The following TACR1 variants were observed in gnomAD, a reference collection of about 807,000 sequenced individuals.
The protein encoded by TACR1 is tachykinin receptor 1.
A neutral mutation model predicts 35.8 loss-of-function variants in TACR1; 25 were observed. The observed-to-expected ratio is 0.70, with a 90% CI of 0.51 to 0.98. The LOEUF is 0.98. TACR1 is among the 50% of genes least tolerant of loss of function. TACR1 has a pLI of 0.00. For missense variants in TACR1, 478 were observed against 522.9 expected (o/e 0.91, Z 0.84); for synonymous variants, 195 against 206.7 (o/e 0.94, Z 0.48).
At chr2:75,052,379 A>G (rs887536085) in intron 3 of TACR1, among the ~76,000 whole-genome samples, 14 of 152,162 alleles carry the variant, frequency 9.2e-5, no homozygotes, top group Admixed American at 8.5e-4. Flanking sequence ...GTGAGAAATC[A>G]ATTTCTATTT....
At chr2:75,123,640 GTA>G (rs1558561023) in intron 1 of TACR1, among the ~76,000 whole-genome samples, 1 of 152,140 alleles carries the variant, frequency 6.6e-6, no homozygotes, top group African/African-American at 2.4e-5. Context: ...TTTAAAAAAT[GTA>G]TATATGTTCA....
intron 2 of TACR1, among the ~76,000 whole-genome samples, chr2:75,073,069 T>C (rs1244112826): frequency 2.6e-5 from 4 of 152,170 alleles, no homozygotes; most frequent in Non-Finnish European, 5.9e-5. Context: ...TTTTTAAATA[T>C]AGAAACCTCT....
At chr2:75,070,169 C>T (rs1456762841) in intron 2 of TACR1, among the ~76,000 whole-genome samples, 2 of 151,738 alleles carry the variant, frequency 1.3e-5, no homozygotes, top group African/African-American at 2.4e-5. Context: ...ATTGCTTCAA[C>T]TTTGGACATT....
rs568778656 is a variant in TACR1, at chr2:75,176,250, T to A, written c.389+22296A>T. The stretch of plus-strand genomic sequence containing the variant: ...CAGTTAGGACATTATATTGATTTTT[T>A]TCCTTGAAATTGCATATATAGGTAG... On this transcript the variant is annotated intron_variant, in intron 1 of 4. Coordinates refer to ENST00000305249, the MANE Select transcript of TACR1 (RefSeq NM_001058.4). Among the ~76,000 whole-genome samples, 493 of 152,196 alleles carry A rather than the reference T, an allele frequency of 3.2e-3. 3 individuals are homozygous for A. Among genetic ancestry groups the A allele is most frequent in the African/African-American group, 0.011 (476 of 41,558 alleles).
rs36067244 is a variant in TACR1, at chr2:75,147,746, C to CTTT, written c.390-26981_390-26979dup. ...CCCTGCAAAGGACATGATCTCATTCCTTTTTTTTTTTTTCTGATACAGAGT... is the reference window on the plus strand; with the variant it reads ...CCCTGCAAAGGACATGATCTCATTCCTTTTTTTTTTTTTTTTCTGATACAGAGT... On this transcript the variant is annotated intron_variant, in intron 1 of 4. Coordinates refer to ENST00000305249, the MANE Select transcript of TACR1 (RefSeq NM_001058.4). Among the ~76,000 whole-genome samples the CTTT allele has an allele frequency of 1.4e-3, 210 of 145,038 alleles. 1 individual carries two copies. The highest frequency in any genetic ancestry group is 2.7e-3 in the African/African-American group (105 of 39,322).
intron 2 of TACR1, among the ~76,000 whole-genome samples, chr2:75,073,079 T>C (rs1022814954): frequency 6.6e-5 from 10 of 152,138 alleles, no homozygotes; most frequent in Non-Finnish European, 1.2e-4. Context: ...TAGAAACCTC[T>C]CTATATAAGA....
At chr2:75,059,378 T>G (rs1463624860) in intron 2 of TACR1, among the ~76,000 whole-genome samples, 1 of 152,220 alleles carries the variant, frequency 6.6e-6, no homozygotes, top group East Asian at 1.9e-4. Context: ...TTCCTGTGTA[T>G]GTTCAAGTTG....
At chr2:75,192,293 G>A (rs1675864736) in intron 1 of TACR1, among the ~76,000 whole-genome samples, 2 of 152,256 alleles carry the variant, frequency 1.3e-5, no homozygotes, top group East Asian at 1.9e-4. Context: ...ATAAATAGAA[G>A]CTTAATACCT....
At chr2:75,198,165 G>A (rs1452547320) in intron 1 of TACR1, among the ~76,000 whole-genome samples, 1 of 152,174 alleles carries the variant, frequency 6.6e-6, no homozygotes, top group Non-Finnish European at 1.5e-5. Context: ...CCCTTCCAGG[G>A]TCTAGTCCTT....
intron 1 of TACR1, among the ~76,000 whole-genome samples, chr2:75,190,896 A>C (rs1171577273): frequency 6.6e-6 from 1 of 152,210 alleles, no homozygotes; most frequent in Non-Finnish European, 1.5e-5. Flanking sequence ...CCCAAATATT[A>C]AACATAGTGA....
chr2:75,079,680 A>G (rs909812337), intron 2 of TACR1, among the ~76,000 whole-genome samples: 24 of 150,948 alleles, frequency 1.6e-4, no homozygotes, highest in Admixed American at 1.1e-3. Context: ...TCTGTGTTCA[A>G]ACTGGATTCA....
At chr2:75,192,515 G>A (rs965798165) in intron 1 of TACR1, among the ~76,000 whole-genome samples, 10 of 152,118 alleles carry the variant, frequency 6.6e-5, no homozygotes, top group Admixed American at 1.3e-4. Flanking sequence ...AAAGTTGAGG[G>A]GTTGAACTTT....
At chr2:75,096,423 G>A (rs913166963) in intron 2 of TACR1, among the ~76,000 whole-genome samples, 1 of 152,088 alleles carries the variant, frequency 6.6e-6, no homozygotes, top group African/African-American at 2.4e-5. Flanking sequence ...TGGAAGATCT[G>A]GATTTAAATC....
intron 2 of TACR1, among the ~76,000 whole-genome samples, chr2:75,062,518 T>G (rs1672690168): frequency 6.6e-6 from 1 of 152,220 alleles, no homozygotes; most frequent in Non-Finnish European, 1.5e-5. Flanking sequence ...AATGTTCTAT[T>G]GCATGGAGGT....
chr2:75,094,859 A>ATATATATATATATATATATATTTTTT, intron 2 of TACR1, among the ~76,000 whole-genome samples: 4 of 113,132 alleles, frequency 3.5e-5, no homozygotes, highest in African/African-American at 1.9e-4. Context: ...ATATATATAT[A>ATATATATATATATATATATATTTTTT]TTTTTTTTTT....
intron 1 of TACR1, among the ~76,000 whole-genome samples, chr2:75,171,226 C>T (rs1272340743): frequency 6.6e-6 from 1 of 152,294 alleles, no homozygotes; most frequent in East Asian, 1.9e-4. Flanking sequence ...CTAAAAGGGG[C>T]CAAAGTATAA....
chr2:75,190,173 A>G (rs72920689), intron 1 of TACR1, among the ~76,000 whole-genome samples: 2,432 of 152,350 alleles, frequency 0.016, 70 homozygotes, highest in African/African-American at 0.056. Context: ...TCACGCAGCT[A>G]TAAGAGCTTT....
At chr2:75,130,708 C>G (rs1558563184) in intron 1 of TACR1, among the ~76,000 whole-genome samples, 1 of 152,182 alleles carries the variant, frequency 6.6e-6, no homozygotes, top group Admixed American at 6.5e-5. Flanking sequence ...CACACCAAAG[C>G]GTTAATCACT....
chr2:75,159,765 A>T (rs1353835507), intron 1 of TACR1, among the ~76,000 whole-genome samples: 1 of 152,182 alleles, frequency 6.6e-6, no homozygotes, highest in African/African-American at 2.4e-5. Context: ...TTGTGTGACT[A>T]GGAGTGCTTA....
Sources: allele counts gnomAD v4.1 joint callset (sites outside exome capture counted in the v4.1 genomes callset), GRCh38; gene constraint gnomAD v4.1.1; transcripts MANE v1.5; gene names NCBI Gene and HGNC (gene_info 2026-07-23, HGNC 2026-07-21).